GRAMD1B: variants seen among roughly 807,000 people sequenced by gnomAD.
The protein encoded by GRAMD1B is protein Aster-B.
Under a neutral mutation model 99.7 loss-of-function variants are expected in GRAMD1B, and 37 were observed. The ratio of observed to expected loss-of-function variants is 0.37; its 90% CI spans 0.29 to 0.49. The LOEUF (loss-of-function observed/expected upper bound fraction) is 0.49. GRAMD1B is among the 20% of genes least tolerant of loss of function. GRAMD1B has a pLI of 0.98. For synonymous variants in GRAMD1B, 427 were observed against 387.6 expected (o/e 1.10, Z -1.19); for missense variants, 888 against 1,009.2 (o/e 0.88, Z 1.63).
At chr11:123,418,434 G>A (rs1050784628) in intron 1 of GRAMD1B, among the ~76,000 whole-genome samples, 2 of 152,210 alleles carry the variant, frequency 1.3e-5, no homozygotes, top group East Asian at 1.9e-4. Context: ...ATTTTCTTAA[G>A]AGTTGATAGA....
intron 2 of GRAMD1B, among the ~76,000 whole-genome samples, chr11:123,574,776 G>C (rs1948541068): frequency 6.6e-6 from 1 of 152,232 alleles, no homozygotes; most frequent in Admixed American, 6.5e-5. Flanking sequence ...ACTGTGACCA[G>C]GGCCGGAAGC....
chr11:123,571,280 A>G (rs1427699454), intron 2 of GRAMD1B, among the ~76,000 whole-genome samples: 1 of 152,150 alleles, frequency 6.6e-6, no homozygotes, highest in Non-Finnish European at 1.5e-5. Context: ...GCAGGACCAC[A>G]GTGGGGATAA....
At chr11:123,559,004 C>A (rs1359844766) in intron 2 of GRAMD1B, among the ~76,000 whole-genome samples, 1 of 152,220 alleles carries the variant, frequency 6.6e-6, no homozygotes, top group Non-Finnish European at 1.5e-5. Context: ...TATTCACCTT[C>A]AGCATGTTTT....
chr11:123,548,347 C>CATATATATATATATATATATATAT (rs1565357831), intron 2 of GRAMD1B, among the ~76,000 whole-genome samples: 2 of 115,198 alleles, frequency 1.7e-5, no homozygotes, highest in African/African-American at 9.0e-5. Flanking sequence ...CACACACACA[C>CATATATATATATATATATATATAT]ACATATATAT....
intron 1 of GRAMD1B, among the ~76,000 whole-genome samples, chr11:123,452,216 C>G (rs931101626): frequency 2.0e-5 from 3 of 152,142 alleles, no homozygotes; most frequent in Admixed American, 6.6e-5. Context: ...ATGTGACAGT[C>G]AAGTCCAACA....
chr11:123,618,933 A>G (rs1954789684), intron 18 of GRAMD1B, 133 bp downstream of exon 18: 1 of 707,272 alleles, frequency 1.4e-6, no homozygotes, highest in Non-Finnish European at 2.5e-6. Flanking sequence ...GAAACTCAGA[A>G]TCTCTCCCTA....
At chr11:123,600,410 C>G (rs1951805546) in intron 7 of GRAMD1B, 58 bp from the exon 8 acceptor site, 1 of 1,071,978 alleles carries the variant, frequency 9.3e-7, no homozygotes, top group Non-Finnish European at 1.4e-6. Context: ...GGACCATGTC[C>G]CTCTTAATTA....
intron 1 of GRAMD1B, among the ~76,000 whole-genome samples, chr11:123,468,013 C>G (rs2134610918): frequency 6.6e-6 from 1 of 151,188 alleles, no homozygotes; most frequent in South Asian, 2.1e-4. Flanking sequence ...ACAGGCATGC[C>G]CACCACACTC....
chr11:123,376,142 T>C (rs1565458448), intron 1 of GRAMD1B, among the ~76,000 whole-genome samples: 1 of 150,658 alleles, frequency 6.6e-6, no homozygotes, highest in Non-Finnish European at 1.5e-5. Flanking sequence ...TACTGATTTA[T>C]TTCTAAACTT....
At position 123,594,970 on chromosome 11, in the gene GRAMD1B, C is replaced by T. The variant is rs192804446; in HGVS notation, c.873+132C>T. ...GTAATTAACAAAAGCATGCCTGAGT[C>T]TTGAAAGATATTCAATTCTAAGTCC... is the stretch of plus-strand genomic sequence containing the variant. On this transcript the variant is annotated intron_variant, in intron 6 of 19. Coordinates refer to ENST00000635736, the MANE Select transcript of GRAMD1B (RefSeq NM_001387025.1). 2.3e-4 allele frequency: 144 copies of T among 638,582 alleles called. 2 individuals are homozygous for T. The East Asian group carries it at 3.1e-3, about 14-fold the overall frequency. 39.6% of individuals were successfully genotyped at this position (638,582 alleles called of 1,614,324 possible). A position where few individuals can be genotyped will look rare whatever the true frequency, so the allele number is the denominator to read the frequency against.
chr11:123,617,169 C>CT (rs34788392), intron 17 of GRAMD1B, among the ~76,000 whole-genome samples: 11,881 of 133,758 alleles, frequency 0.089, 530 homozygotes, highest in Admixed American at 0.18. Flanking sequence ...TCTTTCTTTC[C>CT]TTTTTTTTTT....
intron 2 of GRAMD1B, among the ~76,000 whole-genome samples, chr11:123,500,781 C>A (rs1939777417): frequency 6.6e-6 from 1 of 152,008 alleles, no homozygotes; most frequent in South Asian, 2.1e-4. Flanking sequence ...TCAAGTGATT[C>A]TCCCGCCTCA....
chr11:123,437,334 C>G (rs1235658135), intron 1 of GRAMD1B, among the ~76,000 whole-genome samples: 1 of 152,150 alleles, frequency 6.6e-6, no homozygotes. Context: ...CTCTGAATTG[C>G]TAGGTTCAGA....
chr11:123,441,160 A>G (rs560868324), intron 1 of GRAMD1B, among the ~76,000 whole-genome samples: 1 of 152,274 alleles, frequency 6.6e-6, no homozygotes, highest in African/African-American at 2.4e-5. Context: ...GGGTTGTCAC[A>G]TGGTGAGAAG....
At chr11:123,582,684 G>A (rs1190486076) in intron 3 of GRAMD1B, among the ~76,000 whole-genome samples, 1 of 152,230 alleles carries the variant, frequency 6.6e-6, no homozygotes, top group Admixed American at 6.5e-5. Flanking sequence ...GGGGGGTGAA[G>A]GTGGACCGTC....
intron 1 of GRAMD1B, among the ~76,000 whole-genome samples, chr11:123,386,836 C>T (rs937556710): frequency 5.3e-5 from 8 of 152,272 alleles, no homozygotes; most frequent in Admixed American, 2.0e-4. Context: ...CTAGGCAGAG[C>T]ATGCTCGGCA....
rs1338277286 is a variant in GRAMD1B, at chr11:123,555,469, C to T, written c.453-21898C>T. ...GTTCAAGCAACTCTCCTGCCTCAGCCTCCCAAGTAGCTGGGATTACAGATG... is the reference window on the plus strand; with the variant it reads ...GTTCAAGCAACTCTCCTGCCTCAGCTTCCCAAGTAGCTGGGATTACAGATG... On this transcript the variant is annotated intron_variant, in intron 2 of 19. Transcript: ENST00000635736. Among the ~76,000 whole-genome samples the T allele has an allele frequency of 2.6e-5, 4 of 152,296 alleles. No homozygotes were observed. In the East Asian group the frequency reaches 5.8e-4, roughly 22 times the overall value.
intron 8 of GRAMD1B, 151 bp from the exon 9 acceptor site, chr11:123,603,275 A>G (rs962050063): frequency 1.6e-6 from 1 of 621,636 alleles, no homozygotes; most frequent in Non-Finnish European, 2.9e-6. Flanking sequence ...GAGACCCCCA[A>G]GGCAGATGGG....
At chr11:123,560,067 C>CG (rs962670657) in intron 2 of GRAMD1B, among the ~76,000 whole-genome samples, 10 of 66,130 alleles carry the variant, frequency 1.5e-4, no homozygotes, top group East Asian at 4.1e-4. Context: ...AGGAAATAAC[C>CG]CCCCCCCCCG....
Sources: allele counts gnomAD v4.1 joint callset (sites outside exome capture counted in the v4.1 genomes callset), GRCh38; gene constraint gnomAD v4.1.1; transcripts MANE v1.5; gene names NCBI Gene and HGNC (gene_info 2026-07-23, HGNC 2026-07-21).